Variants in FAM193A observed in about 807,000 individuals in gnomAD.
The protein encoded by FAM193A is family with sequence similarity 193 member A, also known as protein FAM193A.
Under a neutral mutation model 126.5 loss-of-function variants are expected in FAM193A, and 22 were observed. The observed-to-expected ratio is 0.17, with a 90% CI of 0.12 to 0.25. The LOEUF (loss-of-function observed/expected upper bound fraction) is 0.25, where lower values mean the gene tolerates loss of function less well. Among genes scored for constraint, FAM193A ranks in the 10% least tolerant of loss-of-function variants. FAM193A has a pLI of 1.00. For synonymous variants in FAM193A, 761 were observed against 646.8 expected (o/e 1.18, Z -2.68); for missense variants, 1,675 against 1,672.8 (o/e 1.00, Z -0.02).
At chr4:2,578,460 TC>T (rs762017042) in intron 1 of FAM193A, among the ~76,000 whole-genome samples, 3 of 151,796 alleles carry the variant, frequency 2.0e-5, no homozygotes, top group Admixed American at 6.6e-5. Context: ...GTTTTTTTTT[TC>T]CCCCCTCAAT....
rs1736889261 is a variant in FAM193A at position 2,536,664 on chromosome 4, T to C, written c.-252T>C. The C allele has an allele frequency of 6.8e-6, 1 of 146,366 alleles. No homozygotes were observed. Among genetic ancestry groups the C allele is most frequent in the Non-Finnish European group, 1.5e-5 (1 of 66,358 alleles). 9.1% of individuals were successfully genotyped at this position (146,366 alleles called of 1,614,324 possible). ...AAACTGGGATCCCTTTCCCCTTGTG[T>C]CCGCCATATTGGACTCTAACTCTGG... On this transcript the variant is annotated 5_prime_UTR_variant, in exon 1 of 21. Coordinates refer to ENST00000637812, the MANE Select transcript of FAM193A (RefSeq NM_001366318.2).
rs77177047 is a variant in FAM193A, at chr4:2,596,853, G to C, written c.501+524G>C. On this transcript the variant is annotated intron_variant, in intron 2 of 20. Coordinates refer to ENST00000637812, the MANE Select transcript of FAM193A (RefSeq NM_001366318.2). ...GCAGGCTTTCACATGTACTGTTTGG[G>C]TTCTGGAAGGAGTTGGCTTTTGCAA... 6.8e-4 allele frequency among the ~76,000 whole-genome samples: 104 copies of C among 152,320 alleles called. 4 individuals carry two copies. The East Asian group carries it at 0.016, about 24-fold the overall frequency.
intron 4 of FAM193A, among the ~76,000 whole-genome samples, chr4:2,629,606 T>C (rs1743344146): frequency 6.6e-6 from 1 of 152,208 alleles, no homozygotes; most frequent in Non-Finnish European, 1.5e-5. Flanking sequence ...TGACATAATA[T>C]GGTATGTAGG....
At chr4:2,563,228 C>G (rs983328720) in intron 1 of FAM193A, among the ~76,000 whole-genome samples, 1 of 152,202 alleles carries the variant, frequency 6.6e-6, no homozygotes, top group Non-Finnish European at 1.5e-5. Flanking sequence ...CAGGCGTGAG[C>G]CACTGCGCCT....
At chr4:2,600,032 G>A (rs969339523) in intron 2 of FAM193A, among the ~76,000 whole-genome samples, 7 of 151,922 alleles carry the variant, frequency 4.6e-5, no homozygotes, top group African/African-American at 1.7e-4. Context: ...CCCGAGTACC[G>A]GGGACTATAG....
chr4:2,713,538 G>T (rs1325506012), intron 19 of FAM193A, among the ~76,000 whole-genome samples: 1 of 152,188 alleles, frequency 6.6e-6, no homozygotes, highest in Non-Finnish European at 1.5e-5. Context: ...TGCTGTGTTG[G>T]CATTAGGGGG....
chr4:2,728,327 TC>T (rs1382177872), intron 20 of FAM193A, among the ~76,000 whole-genome samples: 1 of 150,374 alleles, frequency 6.7e-6, no homozygotes, highest in Non-Finnish European at 1.5e-5. Flanking sequence ...ACCTCAGTCT[TC>T]CAAAGTACTA....
intron 19 of FAM193A, among the ~76,000 whole-genome samples, chr4:2,707,074 G>T (rs567809367): frequency 2.6e-4 from 40 of 151,842 alleles, no homozygotes; most frequent in Non-Finnish European, 3.8e-4. Flanking sequence ...GTGAGCCAAG[G>T]TTGCTCCACT....
chr4:2,723,732 C>T (rs1429345109), intron 20 of FAM193A, among the ~76,000 whole-genome samples: 1 of 152,128 alleles, frequency 6.6e-6, no homozygotes, highest in Non-Finnish European at 1.5e-5. Context: ...TCAAAGGTTT[C>T]AAAAAGCAAA....
chr4:2,615,884 C>T (rs1742153086), intron 2 of FAM193A, among the ~76,000 whole-genome samples: 1 of 151,932 alleles, frequency 6.6e-6, no homozygotes, highest in African/African-American at 2.4e-5. Flanking sequence ...GATCTCAGCT[C>T]ACTGCAACCT....
At position 2,672,148 on chromosome 4, in the gene FAM193A, T is replaced by C. The variant is rs768419448; in HGVS notation, c.2107T>C (p.Cys703Arg). The change falls in exon 13 of 21, where the codon TGT becomes CGT. Residue 703 changes from cysteine (C) to arginine (R), a missense_variant. Around this residue, in one of 4 missense-constraint regions of FAM193A, gnomAD observed 1,186 missense variants for 1,109.2 expected, o/e 1.07. Coordinates refer to ENST00000637812, the MANE Select transcript of FAM193A (RefSeq NM_001366318.2). Reference protein sequence around the residue: ...QAEQAPNTCECHVCKQEASGL... With the variant: ...QAEQAPNTCERHVCKQEASGL... ...TGAACAAGCTCCAAACACTTGTGAA[T>C]GTCATGTTTGTAAGCAGGAAGCTTC... 1 of 1,614,204 alleles carries C rather than the reference T, an allele frequency of 6.2e-7. No homozygotes were observed. The highest frequency in any genetic ancestry group is 8.5e-7 in the Non-Finnish European group (1 of 1,180,030).
Position 2,537,056 on chromosome 4 carries a change from G to A in FAM193A, c.141G>A (p.Ala47=), listed in dbSNP as rs1452030535. The change falls in exon 1 of 21, where the codon GCG becomes GCA. Residue 47 remains alanine (A), a synonymous_variant. Coordinates refer to ENST00000637812, the MANE Select transcript of FAM193A (RefSeq NM_001366318.2). ...PAAALRGSQA[A]GLAAPGSAAG... is the part of the protein sequence containing the mutation. ...CGGCGCTGCGCGGTTCCCAGGCCGC[G>A]GGCCTGGCGGCCCCGGGCAGCGCGG... is the stretch of plus-strand genomic sequence containing the variant. 6.8e-6 allele frequency: 1 copy of A among 146,992 alleles called. No individual in the cohort carries two copies. Among genetic ancestry groups the A allele is most frequent in the African/African-American group, 2.5e-5 (1 of 40,812 alleles). The allele number at this position is 146,992 out of a possible 1,614,324, so 9.1% of individuals were successfully genotyped here.
intron 18 of FAM193A, among the ~76,000 whole-genome samples, chr4:2,696,967 G>T (rs1212616416): frequency 2.6e-5 from 4 of 152,128 alleles, no homozygotes; most frequent in Non-Finnish European, 4.4e-5. Context: ...GGGCCTGTGG[G>T]TTCAGAAGTG....
At chr4:2,676,725 G>C (rs780193686) in intron 13 of FAM193A, among the ~76,000 whole-genome samples, 1 of 152,112 alleles carries the variant, frequency 6.6e-6, no homozygotes, top group Non-Finnish European at 1.5e-5. Context: ...GGCGGATCAC[G>C]AGGTCAGGAG....
intron 19 of FAM193A, among the ~76,000 whole-genome samples, chr4:2,702,318 C>T (rs902026314): frequency 6.6e-6 from 1 of 152,164 alleles, no homozygotes; most frequent in Admixed American, 6.5e-5. Flanking sequence ...CCATTTGATG[C>T]GGCCCTACCA....
chr4:2,557,306 G>A (rs1738320109), intron 1 of FAM193A, among the ~76,000 whole-genome samples: 1 of 152,096 alleles, frequency 6.6e-6, no homozygotes, highest in African/African-American at 2.4e-5. Context: ...TGTGGATGAG[G>A]GCGATGAGGG....
At chr4:2,681,991 T>G (rs1452354940) in intron 13 of FAM193A, among the ~76,000 whole-genome samples, 2 of 146,412 alleles carry the variant, frequency 1.4e-5, no homozygotes, top group East Asian at 1.9e-4. Flanking sequence ...TTTTTGGTTT[T>G]TTTTTTTTTT....
chr4:2,566,369 G>C (rs1339965202), intron 1 of FAM193A, among the ~76,000 whole-genome samples: 1 of 152,070 alleles, frequency 6.6e-6, no homozygotes, highest in East Asian at 1.9e-4. Context: ...CTTTTTGATA[G>C]AAGGTTGCTG....
rs1241985986 is a variant in FAM193A at position 2,626,556 on chromosome 4, G to C, written c.782G>C (p.Gly261Ala). The C allele has an allele frequency of 7.1e-6, 5 of 701,550 alleles. No homozygotes were observed. The Admixed American group carries it at 1.0e-4, about 14-fold the overall frequency. 43.5% of individuals were successfully genotyped at this position (701,550 alleles called of 1,614,324 possible). A position where few individuals can be genotyped will look rare whatever the true frequency, so the allele number is the denominator to read the frequency against. Residue 261 changes from glycine to alanine, a missense_variant, in exon 4 of 21, where the codon GGA (glycine) becomes GCA (alanine). Gly to Ala is a moderately conservative substitution (Grantham distance 60). Transcript: ENST00000637812. ...QDQSLVPDKE[G>A]VKELVDRLCE... ...CAGTCTCTGGTGCCTGACAAGGAGG[G>C]AGTGAAGGAGCTCGTGGATAGGTAC...
Sources: allele counts gnomAD v4.1 joint callset (sites outside exome capture counted in the v4.1 genomes callset), GRCh38; gene constraint gnomAD v4.1.1; regional missense constraint gnomAD v4.1.1; transcripts MANE v1.5; gene names NCBI Gene and HGNC (gene_info 2026-07-23, HGNC 2026-07-21).